The following TTI1 variants were observed in gnomAD, a reference collection of about 807,000 sequenced individuals.
The protein encoded by TTI1 is TELO2-interacting protein 1 homolog.
Under a neutral mutation model 85.4 loss-of-function variants are expected in TTI1, and 52 were observed. The ratio of observed to expected loss-of-function variants is 0.61; its 90% CI spans 0.49 to 0.77. The LOEUF is 0.77. Ranked by LOEUF, TTI1 falls within the 30% of genes least tolerant of loss-of-function variation. TTI1 has a pLI of 0.00. For missense variants in TTI1, 1,173 were observed against 1,296.0 expected, an observed-to-expected ratio of 0.91 and a Z score of 1.46; for synonymous variants, 512 against 503.9, an observed-to-expected ratio of 1.02 and a Z score of -0.22.
intron 7 of TTI1, among the ~76,000 whole-genome samples, chr20:37,994,781 G>A (rs955447842): frequency 1.3e-5 from 2 of 152,160 alleles, no homozygotes; most frequent in Non-Finnish European, 2.9e-5. Context: ...GTGGGGCTGC[G>A]TGTTCCTCCA....
At chr20:38,021,481 G>GGA (rs1600651561) in intron 1 of TTI1, among the ~76,000 whole-genome samples, 1 of 152,256 alleles carries the variant, frequency 6.6e-6, no homozygotes, top group East Asian at 1.9e-4. Context: ...CAGCAACAGG[G>GGA]GCATTCTGGT....
intron 1 of TTI1, among the ~76,000 whole-genome samples, chr20:38,015,302 G>A (rs978449584): frequency 6.6e-5 from 10 of 152,192 alleles, no homozygotes; most frequent in South Asian, 2.1e-4. Flanking sequence ...GTGAGGCTTC[G>A]TTGGGGTGTA....
At position 38,013,482 on chromosome 20, in the gene TTI1, G is replaced by C. The variant is rs762747720; in HGVS notation, c.335C>G (p.Pro112Arg). The C allele has an allele frequency of 3.7e-6, 6 of 1,613,930 alleles. No individual in the cohort carries two copies. The Admixed American group carries it at 1.0e-4, about 27-fold the overall frequency. ...TTTCAACTCCTCGGACACAGCCGCA[G>C]GTTTTTGGGAGCTGGGTGAATACAG... ...ACLYSPSSQK[P>R]AAVSEELKLA... Residue 112 changes from proline to arginine, a missense_variant, in exon 2 of 8, where the codon CCT becomes CGT. Transcript: ENST00000373447.
chr20:37,983,744 TGATAACAATATCA>T, intron 7 of TTI1, 105 bp from the exon 8 acceptor site: 1 of 1,063,408 alleles, frequency 9.4e-7, no homozygotes, highest in Non-Finnish European at 1.3e-6. Context: ...GAGAAGAAAC[TGATAACAATATCA>T]AGTCACTTCA....
rs757313683 is a variant in TTI1 at position 38,012,435 on chromosome 20, T to G, written c.1382A>C (p.Lys461Thr). ...WNSDDLNASP[K>T]TSATQPWNRI... ...GTTCCAAGGCTGTGTGGCTGAGGTC[T>G]TTGGAGAAGCATTCAGATCATCAGA... The change falls in exon 2 of 8, where the codon AAG becomes ACG. Residue 461 changes from lysine (K) to threonine (T), a missense_variant. Transcript: ENST00000373447. 6.2e-7 allele frequency: 1 copy of G among 1,614,102 alleles called. No individual in the cohort carries two copies. The highest frequency in any genetic ancestry group is 1.7e-5 in the Admixed American group (1 of 60,008).
At position 38,032,504 on chromosome 20, in the gene TTI1, AAAAC is replaced by A. The variant is rs1219027619; in HGVS notation, c.-42+896_-42+899del. On this transcript the variant is annotated intron_variant, in intron 1 of 7. Transcript: ENST00000373447. ...TACCATCACCCCCGTGGCAGTAAGA[AAAAC>A]AAAATTTCTCTGCTGCTTTGATACC... is the stretch of plus-strand genomic sequence containing the variant. 2.6e-5 allele frequency among the ~76,000 whole-genome samples: 4 copies of A among 152,350 alleles called. No individual in the cohort carries two copies. In the East Asian group the frequency reaches 7.7e-4, roughly 29 times the overall value.
At chr20:38,027,598 C>T (rs1040472076) in intron 1 of TTI1, among the ~76,000 whole-genome samples, 1 of 152,040 alleles carries the variant, frequency 6.6e-6, no homozygotes, top group African/African-American at 2.4e-5. Flanking sequence ...TGTGTTCTTA[C>T]AATAAAACAA....
chr20:38,001,954 T>C (rs890171602), intron 4 of TTI1, among the ~76,000 whole-genome samples: 1 of 152,138 alleles, frequency 6.6e-6, no homozygotes, highest in Admixed American at 6.5e-5. Context: ...CCAACTCAGG[T>C]GATCCGCCCA....
intron 2 of TTI1, among the ~76,000 whole-genome samples, chr20:38,006,966 G>A (rs1338933467): frequency 6.6e-6 from 1 of 152,130 alleles, no homozygotes; most frequent in Admixed American, 6.5e-5. Context: ...AATCATTTTT[G>A]TATGACAGGG....
intron 7 of TTI1, among the ~76,000 whole-genome samples, chr20:37,985,366 T>C (rs1314359613): frequency 1.3e-5 from 2 of 152,156 alleles, no homozygotes; most frequent in Non-Finnish European, 2.9e-5. Flanking sequence ...TAAGTCGGAG[T>C]AAATTCTGGA....
chr20:38,019,480 G>T (rs2073732271), intron 1 of TTI1, among the ~76,000 whole-genome samples: 1 of 152,106 alleles, frequency 6.6e-6, no homozygotes, highest in Non-Finnish European at 1.5e-5. Flanking sequence ...ATCTGTATTA[G>T]ACCATAACAT....
rs779351062 is a variant in TTI1, at chr20:37,999,167, T to C, written c.2793+21A>G. ...CTAACTCTACCCTCACAACAGACCA[T>C]GGGGGATGCTGGTGCAGTACCTTGA... On this transcript the variant is annotated intron_variant, in intron 5 of 7. Transcript: ENST00000373447. 12 of 1,388,240 alleles carry C rather than the reference T, an allele frequency of 8.6e-6. No individual in the cohort carries two copies. In the South Asian group the frequency reaches 1.7e-4, roughly 20 times the overall value. 86.0% of individuals were successfully genotyped at this position (1,388,240 alleles called of 1,614,324 possible).
chr20:38,006,736 G>C (rs1423522698), intron 2 of TTI1, among the ~76,000 whole-genome samples: 1 of 152,106 alleles, frequency 6.6e-6, no homozygotes, highest in African/African-American at 2.4e-5. Context: ...TTTAACTTAG[G>C]TCACTTACAT....
chr20:37,984,406 T>G (rs1227657191), intron 7 of TTI1, among the ~76,000 whole-genome samples: 1 of 152,102 alleles, frequency 6.6e-6, no homozygotes. Context: ...CCACCGAGGG[T>G]GGTTTTTATC....
intron 3 of TTI1, among the ~76,000 whole-genome samples, chr20:38,003,795 G>C (rs944671818): frequency 2.6e-5 from 4 of 151,902 alleles, no homozygotes; most frequent in Non-Finnish European, 1.5e-5. Context: ...TTCTCGTGTG[G>C]AGGAGCCTTG....
intron 1 of TTI1, among the ~76,000 whole-genome samples, chr20:38,017,404 T>TGTGTGTGTGTG (rs2073697817): frequency 6.8e-6 from 1 of 146,144 alleles, no homozygotes; most frequent in African/African-American, 2.5e-5. Flanking sequence ...AATCAATAGC[T>TGTGTGTGTGTG]TGTGTGTGTG....
intron 6 of TTI1, 38 bp downstream of exon 6, chr20:37,996,711 T>A (rs763331460): frequency 6.3e-7 from 1 of 1,576,118 alleles, no homozygotes; most frequent in Admixed American, 1.7e-5. Flanking sequence ...AGACAGATGC[T>A]AAGTGTGTGT....
intron 4 of TTI1, among the ~76,000 whole-genome samples, chr20:38,001,994 G>A (rs2073432414): frequency 1.3e-5 from 2 of 152,186 alleles, no homozygotes; most frequent in African/African-American, 4.8e-5. Flanking sequence ...TGGGATTACA[G>A]GCGTGAGCCA....
intron 3 of TTI1, among the ~76,000 whole-genome samples, chr20:38,003,370 G>GT (rs1436736138): frequency 6.6e-6 from 1 of 152,168 alleles, no homozygotes; most frequent in Non-Finnish European, 1.5e-5. Context: ...TACTACATAC[G>GT]TTTTTGCATG....
Sources: allele counts gnomAD v4.1 joint callset (sites outside exome capture counted in the v4.1 genomes callset), GRCh38; gene constraint gnomAD v4.1.1; transcripts MANE v1.5; gene names NCBI Gene and HGNC (gene_info 2026-07-23, HGNC 2026-07-21).